The following CDH8 variants were observed in gnomAD, a reference collection of about 807,000 sequenced individuals.
The protein encoded by CDH8 is cadherin-8.
In CDH8, 17 loss-of-function variants were observed where a neutral mutation model predicts 68.1. The ratio of observed to expected loss-of-function variants is 0.25; its 90% CI spans 0.17 to 0.37. CDH8 has a LOEUF of 0.37. Ranked by LOEUF, CDH8 falls within the 10% of genes least tolerant of loss-of-function variation. The pLI is 1.00. For missense variants in CDH8, 763 were observed against 999.3 expected (o/e 0.76, Z 3.19); for synonymous variants, 372 against 365.1 (o/e 1.02, Z -0.21).
chr16:61,726,087 C>A (rs1476687175), intron 9 of CDH8: 1 of 150,828 alleles, frequency 6.6e-6, no homozygotes, highest in Non-Finnish European at 1.5e-5. Flanking sequence ...AAATCTGACT[C>A]TTGTCAGGTA....
chr16:62,015,043 A>G (rs1341040221), intron 2 of CDH8, among the ~76,000 whole-genome samples: 1 of 152,090 alleles, frequency 6.6e-6, no homozygotes, highest in Non-Finnish European at 1.5e-5. Flanking sequence ...ACAGAGGCTG[A>G]GCATCTCTAA....
At chr16:61,845,965 AG>A (rs1217726765) in intron 4 of CDH8, among the ~76,000 whole-genome samples, 1 of 152,146 alleles carries the variant, frequency 6.6e-6, no homozygotes, top group African/African-American at 2.4e-5. Flanking sequence ...GGGGAAAAAA[AG>A]GTAAGCCTAC....
chr16:62,019,903 A>G (rs1902030703), intron 2 of CDH8, among the ~76,000 whole-genome samples: 1 of 152,220 alleles, frequency 6.6e-6, no homozygotes, highest in African/African-American at 2.4e-5. Context: ...TGGCCAAAAC[A>G]TAAGTTCCTT....
chr16:61,877,953 A>G (rs1047084370), intron 3 of CDH8, among the ~76,000 whole-genome samples: 1 of 152,212 alleles, frequency 6.6e-6, no homozygotes, highest in Non-Finnish European at 1.5e-5. Context: ...AAAATTGCAC[A>G]TAAGGGAAAA....
At chr16:61,930,948 T>G (rs1964531278) in intron 2 of CDH8, among the ~76,000 whole-genome samples, 1 of 152,186 alleles carries the variant, frequency 6.6e-6, no homozygotes, top group Non-Finnish European at 1.5e-5. Flanking sequence ...TTCAAAAAAG[T>G]CAAACTTGCT....
At chr16:61,657,768 T>A (rs972844700) in intron 10 of CDH8, among the ~76,000 whole-genome samples, 1 of 152,114 alleles carries the variant, frequency 6.6e-6, no homozygotes, top group Non-Finnish European at 1.5e-5. Flanking sequence ...TGGTTGACAT[T>A]TCTATGAGAA....
chr16:61,715,425 C>T (rs1964710718), intron 9 of CDH8, among the ~76,000 whole-genome samples: 1 of 151,304 alleles, frequency 6.6e-6, no homozygotes. Flanking sequence ...TTCTTGTATG[C>T]CAGAAATACA....
At chr16:61,734,005 T>G (rs1332781854) in intron 8 of CDH8, among the ~76,000 whole-genome samples, 2 of 152,082 alleles carry the variant, frequency 1.3e-5, no homozygotes, top group African/African-American at 4.8e-5. Context: ...GCCCTCATTT[T>G]GATTATTGAA....
intron 10 of CDH8, among the ~76,000 whole-genome samples, chr16:61,681,260 G>T (rs1964007845): frequency 6.6e-6 from 1 of 151,844 alleles, no homozygotes; most frequent in Non-Finnish European, 1.5e-5. Context: ...TCACCAAAAT[G>T]TAAGAACAAT....
chr16:61,738,017 A>T (rs1959750095), intron 8 of CDH8, among the ~76,000 whole-genome samples: 1 of 152,156 alleles, frequency 6.6e-6, no homozygotes, highest in African/African-American at 2.4e-5. Context: ...ACTTTAATCA[A>T]ATTGGGGCTT....
chr16:61,657,174 C>G (rs1963464768), intron 10 of CDH8, among the ~76,000 whole-genome samples: 1 of 151,846 alleles, frequency 6.6e-6, no homozygotes, highest in Non-Finnish European at 1.5e-5. Context: ...CATCAGTATC[C>G]TATTGGTTTC....
At position 61,669,966 on chromosome 16, in the gene CDH8, C is replaced by G. The variant is rs542324665; in HGVS notation, c.1655-14245G>C. Among the ~76,000 whole-genome samples the G allele has an allele frequency of 3.9e-5, 6 of 152,164 alleles. No individual in the cohort carries two copies. In the East Asian group the frequency reaches 9.7e-4, roughly 25 times the overall value. ...GCTATGTTTCTTTCTAAAACTTCAG[C>G]CTTATGACTCTCCCACTTACCTATT... On this transcript the variant is annotated intron_variant, in intron 10 of 11. Transcript: ENST00000577390.
intron 3 of CDH8, among the ~76,000 whole-genome samples, chr16:61,871,567 A>G (rs1451835362): frequency 6.6e-6 from 1 of 151,944 alleles, no homozygotes; most frequent in Non-Finnish European, 1.5e-5. Flanking sequence ...TTAGAACATC[A>G]TTGATGATCT....
chr16:61,900,457 A>G (rs1397493048), intron 3 of CDH8, among the ~76,000 whole-genome samples: 1 of 152,186 alleles, frequency 6.6e-6, no homozygotes, highest in African/African-American at 2.4e-5. Flanking sequence ...CCTTCCTTTT[A>G]TTATAGAATG....
intron 2 of CDH8, among the ~76,000 whole-genome samples, chr16:61,938,908 G>C (rs1331813972): frequency 6.6e-6 from 1 of 152,124 alleles, no homozygotes; most frequent in Non-Finnish European, 1.5e-5. Context: ...TATGTAAAAT[G>C]TTCAGCACTG....
At chr16:61,785,150 C>T (rs1285030234) in intron 8 of CDH8, among the ~76,000 whole-genome samples, 1 of 132,654 alleles carries the variant, frequency 7.5e-6, no homozygotes, top group African/African-American at 2.9e-5. Context: ...AATCCAGGAG[C>T]TGGTTTTTTG....
intron 2 of CDH8, among the ~76,000 whole-genome samples, chr16:61,918,899 T>C (rs1019772702): frequency 7.7e-4 from 116 of 150,204 alleles, no homozygotes; most frequent in South Asian, 1.5e-3. Context: ...GTAACCTCTG[T>C]AGACTTAAAT....
chr16:61,762,382 A>C (rs1389503091), intron 8 of CDH8, among the ~76,000 whole-genome samples: 1 of 152,206 alleles, frequency 6.6e-6, no homozygotes, highest in Non-Finnish European at 1.5e-5. Flanking sequence ...ATTTCTTAAA[A>C]CTGCATGCAA....
chr16:61,766,308 G>A (rs1429087437), intron 8 of CDH8, among the ~76,000 whole-genome samples: 2 of 151,924 alleles, frequency 1.3e-5, no homozygotes, highest in African/African-American at 4.8e-5. Context: ...CCAAATTGCT[G>A]CAAAAGATAT....
Sources: allele counts gnomAD v4.1 joint callset (sites outside exome capture counted in the v4.1 genomes callset), GRCh38; gene constraint gnomAD v4.1.1; transcripts MANE v1.5; gene names NCBI Gene and HGNC (gene_info 2026-07-23, HGNC 2026-07-21).